DLG5: variants seen among roughly 807,000 people sequenced by gnomAD.
DLG5 encodes the protein disks large homolog 5.
DLG5 carries 48 observed loss-of-function variants against 189.8 expected under a neutral mutation model. The observed-to-expected ratio is 0.25, with a 90% CI of 0.20 to 0.32. DLG5 has a LOEUF of 0.32. DLG5 is among the 10% of genes least tolerant of loss of function. The pLI is 1.00. For missense variants in DLG5, 2,160 were observed against 2,544.7 expected (o/e 0.85, Z 3.25); for synonymous variants, 1,016 against 1,054.1 (o/e 0.96, Z 0.70).
chr10:77,912,892 CA>C (rs1846264103), intron 1 of DLG5, among the ~76,000 whole-genome samples: 1 of 152,074 alleles, frequency 6.6e-6, no homozygotes, highest in African/African-American at 2.4e-5. Context: ...GCAAGCAGAC[CA>C]GTGGTTTTCA....
At chr10:77,837,433 G>T (rs772328154) in intron 7 of DLG5, among the ~76,000 whole-genome samples, 2 of 152,126 alleles carry the variant, frequency 1.3e-5, no homozygotes, top group East Asian at 3.9e-4. Context: ...AGGACGACAG[G>T]CAGCGCAGGA....
intron 17 of DLG5, 50 bp from the exon 18 acceptor site, chr10:77,817,939 T>A (rs1424943558): frequency 6.9e-7 from 1 of 1,447,808 alleles, no homozygotes; most frequent in Non-Finnish European, 9.5e-7. Flanking sequence ...CAGGAACAGA[T>A]GTGGCCACTG....
At chr10:77,851,458 C>T (rs1234124835) in intron 5 of DLG5, among the ~76,000 whole-genome samples, 1 of 152,174 alleles carries the variant, frequency 6.6e-6, no homozygotes, top group Non-Finnish European at 1.5e-5. Context: ...GGGTGGGAAG[C>T]ATGTTGTCAC....
At chr10:77,864,532 A>G (rs1265230270) in intron 2 of DLG5, among the ~76,000 whole-genome samples, 2 of 152,184 alleles carry the variant, frequency 1.3e-5, no homozygotes, top group African/African-American at 4.8e-5. Context: ...TTCTTAAAGC[A>G]CCTAAGCTTC....
At chr10:77,876,724 A>AGGGAGGGAGGGAGGGAGGGT (rs1845106971) in intron 1 of DLG5, among the ~76,000 whole-genome samples, 1 of 44,732 alleles carries the variant, frequency 2.2e-5, no homozygotes, top group South Asian at 1.5e-3. Flanking sequence ...GGAGGGAGGG[A>AGGGAGGGAGGGAGGGAGGGT]GGGAAGGAAG....
chr10:77,809,716 G>A lies in DLG5; in HGVS notation c.4478C>T (p.Ala1493Val). Residue 1493 changes from alanine (A) to valine (V), a missense_variant, in exon 24 of 32, where the codon GCC becomes GTC. Coordinates refer to ENST00000372391, the MANE Select transcript of DLG5 (RefSeq NM_004747.4). ...KQSSSRIAGD[A>V]NKKTLEPRVV... is the part of the protein sequence containing the mutation. ...GCGTGGCTCCAGGGTCTTCTTGTTG[G>A]CATCTCCCGCAATCCTTTCAGGAAA... 6.2e-7 allele frequency: 1 copy of A among 1,612,328 alleles called. No individual in the cohort carries two copies. Among genetic ancestry groups the A allele is most frequent in the East Asian group, 2.2e-5 (1 of 44,836 alleles).
Position 77,809,656 on chromosome 10 carries a change from C to T in DLG5, c.4538G>A (p.Gly1513Glu). 3 of 1,614,218 alleles carry T rather than the reference C, an allele frequency of 1.9e-6. No individual in the cohort carries two copies. Among genetic ancestry groups the T allele is most frequent in the Non-Finnish European group, 2.5e-6 (3 of 1,180,026 alleles). The change falls in exon 24 of 32, where the codon GGG becomes GAG. Residue 1513 changes from glycine to glutamate, a missense_variant. Coordinates refer to ENST00000372391, the MANE Select transcript of DLG5 (RefSeq NM_004747.4). ...CAGGTTCCCACCACACAAGTGCACC[C>T]CAAGCTCCAGCTGGGACTTTTTGAT... is the stretch of plus-strand genomic sequence containing the variant. ...VFIKKSQLEL[G>E]VHLCGGNLHG...
chr10:77,934,385 A>AAG, the DLG5 span, among the ~76,000 whole-genome samples: 16 of 151,686 alleles, frequency 1.1e-4, no homozygotes, highest in South Asian at 4.2e-4. Flanking sequence ...AAAAAAAAAA[A>AAG]AAAGAAAAGG....
chr10:77,868,724 C>G (rs1844785780), intron 2 of DLG5: 1 of 241,022 alleles, frequency 4.1e-6, no homozygotes, highest in Non-Finnish European at 8.1e-6. Context: ...TTTCTGAAAC[C>G]CATATTCAGA....
intron 27 of DLG5, among the ~76,000 whole-genome samples, chr10:77,800,499 C>T (rs956358700): frequency 2.6e-5 from 4 of 151,332 alleles, no homozygotes; most frequent in African/African-American, 4.9e-5. Flanking sequence ...ACGGGGCCGC[C>T]GCTGAGGGGC....
rs1568111295 is a variant in DLG5, at chr10:77,796,291, C to A, written c.5309-103G>T. 9.4e-6 allele frequency: 15 copies of A among 1,596,084 alleles called. No homozygotes were observed. In the South Asian group the frequency reaches 1.1e-4, roughly 12 times the overall value. On this transcript the variant is annotated intron_variant, in intron 28 of 31. Coordinates refer to ENST00000372391, the MANE Select transcript of DLG5 (RefSeq NM_004747.4). The surrounding 1 kb of genome is among the most constrained non-coding windows in gnomAD (Gnocchi z 5.2). ...GCTCAGCAGCTGTCAGTAACCCAGT[C>A]CTGCCATGCATGAATCTGACCCATG...
intron 1 of DLG5, among the ~76,000 whole-genome samples, chr10:77,881,162 G>A (rs1452860930): frequency 6.6e-6 from 1 of 151,806 alleles, no homozygotes; most frequent in African/African-American, 2.4e-5. Flanking sequence ...TAGTGGAGAT[G>A]GGATTTCACC....
At chr10:77,832,907 G>C (rs1372869845) in intron 9 of DLG5, among the ~76,000 whole-genome samples, 1 of 152,166 alleles carries the variant, frequency 6.6e-6, no homozygotes, top group Admixed American at 6.5e-5. Context: ...GCTCCAGAGA[G>C]TCTGGGTTTT....
rs945634504 is a variant in DLG5, at chr10:77,887,285, G to A, written c.305-18088C>T. Among the ~76,000 whole-genome samples, 3 of 152,252 alleles carry A rather than the reference G, an allele frequency of 2.0e-5. No homozygotes were observed. The East Asian group carries it at 5.8e-4, about 29-fold the overall frequency. On this transcript the variant is annotated intron_variant, in intron 1 of 31. Transcript: ENST00000372391. ...ACCTCCCAGCCCTTTGCCTGTAACT[G>A]CTCCTGAGCTGCCTGAGTCCTCAGT...
intron 27 of DLG5, among the ~76,000 whole-genome samples, chr10:77,802,363 T>C (rs747778965): frequency 6.6e-6 from 1 of 152,170 alleles, no homozygotes; most frequent in Non-Finnish European, 1.5e-5. Flanking sequence ...AAAAACGATA[T>C]TAAAATGGAC....
chr10:77,832,971 A>C (rs1842951110), intron 9 of DLG5, among the ~76,000 whole-genome samples: 1 of 152,126 alleles, frequency 6.6e-6, no homozygotes, highest in African/African-American at 2.4e-5. Flanking sequence ...AATGGGAAAG[A>C]AGAGAAGCTG....
chr10:77,830,546 G>A (rs539459022), intron 10 of DLG5, among the ~76,000 whole-genome samples, 195 bp downstream of exon 10: 48 of 152,250 alleles, frequency 3.2e-4, no homozygotes, highest in African/African-American at 1.2e-3. Flanking sequence ...CCCTGTCAGC[G>A]TCCTCCGAGG....
At chr10:77,845,799 A>C (rs1030541421) in intron 5 of DLG5, among the ~76,000 whole-genome samples, 4 of 152,170 alleles carry the variant, frequency 2.6e-5, no homozygotes, top group African/African-American at 9.7e-5. Context: ...TTATTTTAAA[A>C]AGCAGTACAC....
intron 14 of DLG5, among the ~76,000 whole-genome samples, chr10:77,823,718 C>CG (rs1842481825): frequency 6.6e-6 from 1 of 152,056 alleles, no homozygotes; most frequent in African/African-American, 2.4e-5. Flanking sequence ...TTAGTAGAGA[C>CG]GGGGTTTCTC....
Sources: gnomAD v4.1 joint callset for allele counts (sites outside exome capture counted in the v4.1 genomes callset) on GRCh38, gnomAD v4.1.1 for gene constraint, Gnocchi (gnomAD v3.1) non-coding constraint, MANE v1.5 for transcripts, NCBI Gene and HGNC (gene_info 2026-07-23, HGNC 2026-07-21) for gene names.